The following EYA2 variants were observed in gnomAD, a reference collection of about 807,000 sequenced individuals.
EYA2 encodes the protein EYA transcriptional coactivator and phosphatase 2.
A neutral mutation model predicts 69.2 loss-of-function variants in EYA2; 31 were observed. The observed-to-expected ratio is 0.45, with a 90% CI of 0.34 to 0.60. The LOEUF is 0.60. EYA2 is among the 20% of genes least tolerant of loss of function. The pLI is 0.02. For synonymous variants in EYA2, 257 were observed against 279.4 expected, an observed-to-expected ratio of 0.92 and a Z score of 0.80; for missense variants, 622 against 701.2, an observed-to-expected ratio of 0.89 and a Z score of 1.28.
intron 10 of EYA2, among the ~76,000 whole-genome samples, chr20:47,156,089 TACACACACACACACACACACAC>T (rs748282079): frequency 1.9e-4 from 6 of 30,966 alleles, no homozygotes; most frequent in African/African-American, 6.2e-4. Flanking sequence ...TATATATACA[TACACACACACACACACACACAC>T]ACACACACAC....
chr20:46,955,368 G>T (rs1257141398), intron 1 of EYA2, among the ~76,000 whole-genome samples: 1 of 152,146 alleles, frequency 6.6e-6, no homozygotes, highest in East Asian at 1.9e-4. Context: ...GGCACTTAGA[G>T]AATCTGAATA....
rs1555834800 is a variant in EYA2, at chr20:47,173,509, T to TTAAA, written c.1198+642_1198+643insTAAA. On this transcript the variant is annotated intron_variant, in intron 12 of 15. Transcript: ENST00000327619. ...GCCTGGGCAACAAAGTGAGACCCCG[T>TTAAA]AAAAAAAAAAAAAAAAAAAAAAACG... is the stretch of plus-strand genomic sequence containing the variant. 4.9e-4 allele frequency among the ~76,000 whole-genome samples: 41 copies of TTAAA among 83,654 alleles called. No homozygotes were observed. The East Asian group carries it at 0.01, about 21-fold the overall frequency. 54.9% of individuals were successfully genotyped at this position (83,654 alleles called of 152,430 possible).
intron 2 of EYA2, among the ~76,000 whole-genome samples, chr20:46,990,330 C>T (rs558915460): frequency 2.6e-5 from 4 of 152,236 alleles, no homozygotes; most frequent in African/African-American, 4.8e-5. Flanking sequence ...TGTGCTCATT[C>T]GTGTCTTGAA....
chr20:47,184,649 G>A (rs1005491287), intron 15 of EYA2, among the ~76,000 whole-genome samples: 11 of 151,308 alleles, frequency 7.3e-5, no homozygotes, highest in Admixed American at 1.3e-4. Flanking sequence ...CCTCAAACTC[G>A]TAAACTCAAA....
At chr20:47,063,769 A>G (rs1370176134) in intron 5 of EYA2, among the ~76,000 whole-genome samples, 1 of 152,318 alleles carries the variant, frequency 6.6e-6, no homozygotes, top group East Asian at 1.9e-4. Flanking sequence ...GGAAACCTCT[A>G]GAGGATATTT....
At chr20:46,964,419 A>G (rs753471155) in intron 1 of EYA2, among the ~76,000 whole-genome samples, 6 of 152,152 alleles carry the variant, frequency 3.9e-5, no homozygotes, top group Non-Finnish European at 7.4e-5. Context: ...AAGAGAACCA[A>G]GTAGCACCTG....
intron 9 of EYA2, among the ~76,000 whole-genome samples, chr20:47,124,306 T>C (rs933245653): frequency 2.6e-5 from 4 of 152,214 alleles, no homozygotes; most frequent in African/African-American, 4.8e-5. Context: ...GTTGACTTGA[T>C]GACTTTTAAA....
chr20:47,061,778 A>G (rs1364419306), intron 5 of EYA2, among the ~76,000 whole-genome samples: 1 of 152,154 alleles, frequency 6.6e-6, no homozygotes, highest in East Asian at 1.9e-4. Context: ...GGACTGTTGC[A>G]TCACAGGGCC....
intron 1 of EYA2, among the ~76,000 whole-genome samples, chr20:46,934,091 G>T (rs890905440): frequency 1.3e-5 from 2 of 152,190 alleles, no homozygotes; most frequent in African/African-American, 4.8e-5. Flanking sequence ...CTCTGAAAAA[G>T]CTAAGCATGG....
chr20:46,984,615 C>T (rs1183037299), intron 1 of EYA2, among the ~76,000 whole-genome samples: 2 of 152,042 alleles, frequency 1.3e-5, no homozygotes, highest in Non-Finnish European at 2.9e-5. Context: ...GAAACTGGAA[C>T]CCTTATGTAC....
intron 1 of EYA2, among the ~76,000 whole-genome samples, chr20:46,954,825 G>C (rs1196152140): frequency 6.6e-6 from 1 of 151,060 alleles, no homozygotes; most frequent in East Asian, 1.9e-4. Context: ...CTTACTACGA[G>C]GCATTCTCAG....
At chr20:47,146,134 T>C (rs538210957) in intron 10 of EYA2, among the ~76,000 whole-genome samples, 68 of 152,230 alleles carry the variant, frequency 4.5e-4, no homozygotes, top group African/African-American at 1.3e-3. Context: ...GTGTTGTCCT[T>C]CACTGAGATG....
intron 5 of EYA2, among the ~76,000 whole-genome samples, chr20:47,059,986 ATTTT>A (rs2030804954): frequency 6.6e-6 from 1 of 152,132 alleles, no homozygotes; most frequent in African/African-American, 2.4e-5. Flanking sequence ...AGTTTTGTTT[ATTTT>A]GTTTTGTTTT....
At chr20:46,991,980 A>AG (rs1307089971) in intron 2 of EYA2, among the ~76,000 whole-genome samples, 2 of 142,014 alleles carry the variant, frequency 1.4e-5, no homozygotes, top group Non-Finnish European at 3.1e-5. Flanking sequence ...AAAAAAAAAA[A>AG]AAAAAACGCT....
intron 5 of EYA2, among the ~76,000 whole-genome samples, chr20:47,057,712 A>G (rs930314200): frequency 2.0e-5 from 3 of 152,312 alleles, no homozygotes; most frequent in Non-Finnish European, 4.4e-5. Flanking sequence ...ATGTCTGTTC[A>G]CTGGGATTAC....
rs41282800 is a variant in EYA2 at position 47,188,085 on chromosome 20, C to T, written c.1569C>T (p.His523=). The T allele has an allele frequency of 0.017, 27,679 of 1,585,934 alleles. 408 individuals are homozygous for T. The highest frequency in any genetic ancestry group is 0.052 in the Middle Eastern group (313 of 6,026). The change falls in exon 16 of 16, where the codon CAC becomes CAT. Residue 523 remains histidine, a synonymous_variant. Transcript: ENST00000327619. Reference sequence around the variant, plus strand: ...TGCCTTTCTGGCGGATATCCTGCCACGCAGACCTGGAGGCACTGAGGCACG... The same window carrying T: ...TGCCTTTCTGGCGGATATCCTGCCATGCAGACCTGGAGGCACTGAGGCACG... ...HNMPFWRISC[H]ADLEALRHAL... is the part of the protein sequence containing the mutation.
intron 9 of EYA2, among the ~76,000 whole-genome samples, chr20:47,138,643 T>G (rs933966245): frequency 1.3e-5 from 2 of 151,802 alleles, no homozygotes; most frequent in African/African-American, 2.4e-5. Flanking sequence ...GTAGTCCCAA[T>G]TACTTGGGGG....
chr20:47,054,212 C>T (rs1448649324), intron 5 of EYA2, among the ~76,000 whole-genome samples: 1 of 152,140 alleles, frequency 6.6e-6, no homozygotes, highest in African/African-American at 2.4e-5. Context: ...ATTGCACCCC[C>T]CACTTCTCCA....
At chr20:47,010,669 A>G (rs1177262627) in intron 4 of EYA2, among the ~76,000 whole-genome samples, 2 of 83,030 alleles carry the variant, frequency 2.4e-5, no homozygotes, top group Non-Finnish European at 5.3e-5. Flanking sequence ...ATATGCATTT[A>G]TATCTACATA....
Sources: gnomAD v4.1 joint callset for allele counts (sites outside exome capture counted in the v4.1 genomes callset) on GRCh38, gnomAD v4.1.1 for gene constraint, MANE v1.5 for transcripts, NCBI Gene and HGNC (gene_info 2026-07-23, HGNC 2026-07-21) for gene names.